LRMDA: variants seen among roughly 807,000 people sequenced by gnomAD.
LRMDA encodes the protein leucine-rich melanocyte differentiation-associated protein.
Under a neutral mutation model 29.8 loss-of-function variants are expected in LRMDA, and 18 were observed. The observed-to-expected ratio is 0.60, with a 90% confidence interval of 0.42 to 0.90. The LOEUF is 0.90. Among genes scored for constraint, LRMDA ranks in the 40% least tolerant of loss-of-function variants. The pLI is 0.00. For synonymous variants in LRMDA, 125 were observed against 109.4 expected (o/e 1.14, Z -0.89); for missense variants, 273 against 273.9 (o/e 1.00, Z 0.02).
At chr10:75,572,138 G>C (rs577853332) in intron 2 of LRMDA, among the ~76,000 whole-genome samples, 39 of 152,178 alleles carry the variant, frequency 2.6e-4, no homozygotes, top group African/African-American at 9.4e-4. Flanking sequence ...ATTTTTAGTA[G>C]AGACGGGGTT....
intron 2 of LRMDA, among the ~76,000 whole-genome samples, chr10:75,946,593 G>T (rs1235008976): frequency 6.6e-6 from 1 of 152,166 alleles, no homozygotes; most frequent in Non-Finnish European, 1.5e-5. Context: ...GGGAAAATAT[G>T]GTTCGGATTG....
intron 5 of LRMDA, among the ~76,000 whole-genome samples, chr10:76,126,587 T>C (rs1849888148): frequency 6.6e-6 from 1 of 152,196 alleles, no homozygotes; most frequent in Non-Finnish European, 1.5e-5. Context: ...CCTCTCTACA[T>C]CTGGGCTTCT....
intron 5 of LRMDA, among the ~76,000 whole-genome samples, chr10:76,295,822 C>T (rs1304497265): frequency 6.6e-6 from 1 of 152,116 alleles, no homozygotes; most frequent in East Asian, 1.9e-4. Flanking sequence ...ACCATTTTTT[C>T]CAAGGCTCAG....
chr10:75,759,056 C>T (rs1274725248), intron 2 of LRMDA, among the ~76,000 whole-genome samples: 1 of 151,870 alleles, frequency 6.6e-6, no homozygotes, highest in Non-Finnish European at 1.5e-5. Flanking sequence ...TCTTGGTAAA[C>T]CATAGGAAAG....
At chr10:76,191,746 G>T (rs1038553872) in intron 5 of LRMDA, among the ~76,000 whole-genome samples, 17 of 152,304 alleles carry the variant, frequency 1.1e-4, no homozygotes, top group African/African-American at 3.8e-4. Flanking sequence ...GCTGGTTAAG[G>T]AAATGCCAAA....
At chr10:76,089,680 A>G (rs761009716) in intron 5 of LRMDA, among the ~76,000 whole-genome samples, 2 of 152,192 alleles carry the variant, frequency 1.3e-5, no homozygotes, top group South Asian at 4.2e-4. Context: ...GCACGAGTGC[A>G]CCACTCTGCT....
rs920494595 is a variant in LRMDA, at chr10:75,541,416, T to C, written c.131+102922T>C. Among the ~76,000 whole-genome samples the C allele has an allele frequency of 1.5e-4, 22 of 151,684 alleles. 1 individual carries two copies. The highest frequency in any genetic ancestry group is 3.2e-3 in the Middle Eastern group (1 of 316). On this transcript the variant is annotated intron_variant, in intron 2 of 6. Coordinates refer to ENST00000611255, the MANE Select transcript of LRMDA (RefSeq NM_001305581.2). ...TTCCCCACAAACTTTTTTTTTTTTT[T>C]TTTTTAAGCAGAGACTATTTTTCCC...
At chr10:75,942,975 A>G (rs7085739) in intron 2 of LRMDA, among the ~76,000 whole-genome samples, 1 of 151,990 alleles carries the variant, frequency 6.6e-6, no homozygotes, top group African/African-American at 2.4e-5. Context: ...TTTTGAGTTG[A>G]CCATTCATTT....
chr10:75,753,179 C>T (rs1842988092), intron 2 of LRMDA, among the ~76,000 whole-genome samples: 1 of 152,152 alleles, frequency 6.6e-6, no homozygotes, highest in Non-Finnish European at 1.5e-5. Context: ...GCTGGAATCT[C>T]ACTTATCCAT....
chr10:75,832,612 A>G (rs1844364669), intron 2 of LRMDA, among the ~76,000 whole-genome samples: 2 of 152,112 alleles, frequency 1.3e-5, no homozygotes, highest in South Asian at 2.1e-4. Context: ...CTTGGTACCA[A>G]TTTACTGTAT....
chr10:75,618,777 CTTT>C (rs35897683), intron 2 of LRMDA, among the ~76,000 whole-genome samples: 6 of 114,314 alleles, frequency 5.2e-5, no homozygotes, highest in Non-Finnish European at 7.4e-5. Context: ...ATTATTTACT[CTTT>C]TTTTTTTTTT....
chr10:75,954,994 T>A (rs1371020582), intron 2 of LRMDA, among the ~76,000 whole-genome samples: 3 of 152,200 alleles, frequency 2.0e-5, no homozygotes, highest in Non-Finnish European at 2.9e-5. Flanking sequence ...AAGTATAAAA[T>A]AAAAATGCCA....
Position 76,496,334 on chromosome 10 carries a change from T to C in LRMDA, c.602-60875T>C, listed in dbSNP as rs1189372801. Reference sequence around the variant, plus strand: ...CTCTCTGCAACTTTCCAGAGCTTTTTTGATACAGCTCTATCTGCTGCAGTA... The same window carrying C: ...CTCTCTGCAACTTTCCAGAGCTTTTCTGATACAGCTCTATCTGCTGCAGTA... On this transcript the variant is annotated intron_variant, in intron 6 of 6. Coordinates refer to ENST00000611255, the MANE Select transcript of LRMDA (RefSeq NM_001305581.2). Among the ~76,000 whole-genome samples the C allele has an allele frequency of 9.2e-5, 7 of 76,194 alleles. 3 individuals carry two copies. Among genetic ancestry groups the C allele is most frequent in the Non-Finnish European group, 2.6e-4 (6 of 22,856 alleles). The allele number at this position is 76,194 out of a possible 152,430, so 50.0% of individuals were successfully genotyped here.
chr10:75,894,947 G>C (rs1015665362), intron 2 of LRMDA, among the ~76,000 whole-genome samples: 1 of 152,200 alleles, frequency 6.6e-6, no homozygotes, highest in Non-Finnish European at 1.5e-5. Flanking sequence ...CTTACTTTCA[G>C]ATGAGAAACT....
intron 5 of LRMDA, among the ~76,000 whole-genome samples, chr10:76,256,249 A>G (rs1381742304): frequency 1.3e-5 from 2 of 152,240 alleles, no homozygotes; most frequent in African/African-American, 4.8e-5. Context: ...AGTTAGTTCT[A>G]CTGGTCACTG....
At chr10:75,502,811 C>A (rs1442663836) in intron 2 of LRMDA, among the ~76,000 whole-genome samples, 1 of 152,140 alleles carries the variant, frequency 6.6e-6, no homozygotes, top group Non-Finnish European at 1.5e-5. Context: ...AGGTAAACCT[C>A]CATGTCATGG....
intron 2 of LRMDA, among the ~76,000 whole-genome samples, chr10:75,447,866 G>A (rs1412476877): frequency 2.0e-5 from 3 of 152,190 alleles, no homozygotes; most frequent in Admixed American, 6.5e-5. Context: ...TCCAGCCTGG[G>A]TGACAGAGCA....
rs1047835995 is a variant in LRMDA at position 76,266,618 on chromosome 10, G to T, written c.517-57783G>T. Among the ~76,000 whole-genome samples the T allele has an allele frequency of 2.0e-5, 3 of 152,130 alleles. No individual in the cohort carries two copies. The East Asian group carries it at 5.8e-4, about 29-fold the overall frequency. ...GTAAGAAAAGCGAGGAGGTAGAACA[G>T]CTGGGGCTTCAGCTTAGGTCTGTCT... On this transcript the variant is annotated intron_variant, in intron 5 of 6. Coordinates refer to ENST00000611255, the MANE Select transcript of LRMDA (RefSeq NM_001305581.2).
At chr10:75,866,374 A>T (rs1203953708) in intron 2 of LRMDA, among the ~76,000 whole-genome samples, 2 of 152,224 alleles carry the variant, frequency 1.3e-5, no homozygotes, top group South Asian at 2.1e-4. Context: ...CTCAGCCTGT[A>T]AGGGGACTGG....
Sources: allele counts gnomAD v4.1 joint callset (sites outside exome capture counted in the v4.1 genomes callset), GRCh38; gene constraint gnomAD v4.1.1; transcripts MANE v1.5; gene names NCBI Gene and HGNC (gene_info 2026-07-23, HGNC 2026-07-21).